Variants in PRKN observed in about 807,000 individuals in gnomAD.
The protein encoded by PRKN is parkin RBR E3 ubiquitin protein ligase.
A neutral mutation model predicts 59.5 loss-of-function variants in PRKN; 56 were observed. The observed-to-expected ratio is 0.94, with a 90% CI of 0.76 to 1.18. The LOEUF (loss-of-function observed/expected upper bound fraction) is 1.18. PRKN is among the 50% of genes most tolerant of loss of function. The pLI is 0.00. For synonymous variants in PRKN, 250 were observed against 222.1 expected (o/e 1.13, Z -1.12); for missense variants, 657 against 596.4 (o/e 1.10, Z -1.06).
chr6:161,659,885 C>T (rs1460724746), intron 7 of PRKN, among the ~76,000 whole-genome samples: 5 of 152,124 alleles, frequency 3.3e-5, no homozygotes, highest in East Asian at 1.9e-4. Context: ...GATACTGAGT[C>T]TGGACAGAGA....
chr6:162,235,245 G>T (rs1237828901), intron 3 of PRKN, among the ~76,000 whole-genome samples: 1 of 152,116 alleles, frequency 6.6e-6, no homozygotes, highest in Non-Finnish European at 1.5e-5. Context: ...GGGAATCTGA[G>T]TGTGTTTCCA....
At chr6:162,397,039 C>T (rs1451499226) in intron 2 of PRKN, among the ~76,000 whole-genome samples, 1 of 152,020 alleles carries the variant, frequency 6.6e-6, no homozygotes, top group African/African-American at 2.4e-5. Context: ...CCGAGGACAG[C>T]GCAATAAGGG....
At chr6:162,370,928 C>T (rs375210769) in intron 2 of PRKN, among the ~76,000 whole-genome samples, 5 of 152,244 alleles carry the variant, frequency 3.3e-5, no homozygotes, top group Admixed American at 2.0e-4. Context: ...GAGCATGGAA[C>T]GCAGCTACTC....
rs866047086 is a variant in PRKN at position 161,588,828 on chromosome 6, A to G, written c.872-19412T>C. On this transcript the variant is annotated intron_variant, in intron 7 of 11. Coordinates refer to ENST00000366898, the MANE Select transcript of PRKN (RefSeq NM_004562.3). This position sits in a 1 kb window ranked among gnomAD's most constrained non-coding sequence, Gnocchi z 5.0. Reference sequence around the variant, plus strand: ...GCACAAGCCTAGGACTGCCAGATTTAGCAAATAAAAATACAGGACACCCAG... The same window carrying G: ...GCACAAGCCTAGGACTGCCAGATTTGGCAAATAAAAATACAGGACACCCAG... 6.6e-6 allele frequency among the ~76,000 whole-genome samples: 1 copy of G among 152,234 alleles called. No individual in the cohort carries two copies.
chr6:161,849,737 C>T (rs536883128), intron 6 of PRKN, among the ~76,000 whole-genome samples: 2 of 152,310 alleles, frequency 1.3e-5, no homozygotes, highest in African/African-American at 4.8e-5. Flanking sequence ...TTTGGGTTCA[C>T]ATTTAGTCTT....
chr6:162,647,616 T>C (rs73597961), intron 1 of PRKN, among the ~76,000 whole-genome samples: 3,070 of 152,222 alleles, frequency 0.02, 107 homozygotes, highest in African/African-American at 0.069. Flanking sequence ...CTCATACTTA[T>C]ATGTCAAACA....
At chr6:161,882,686 A>G (rs1794982103) in intron 6 of PRKN, among the ~76,000 whole-genome samples, 1 of 152,184 alleles carries the variant, frequency 6.6e-6, no homozygotes, top group Non-Finnish European at 1.5e-5. Context: ...TGATGTGAAG[A>G]TGGATGAAGA....
chr6:161,982,238 C>T (rs1781287471), intron 5 of PRKN, among the ~76,000 whole-genome samples: 1 of 125,814 alleles, frequency 7.9e-6, no homozygotes, highest in Non-Finnish European at 1.7e-5. Context: ...TTGCCCACTG[C>T]TCAAGGAAAT....
intron 6 of PRKN, among the ~76,000 whole-genome samples, chr6:161,897,966 C>CAAAAAAAAAAAAAAAAAAAAAAAAAAAAA (rs55714271): frequency 7.8e-5 from 3 of 38,284 alleles, no homozygotes; most frequent in Non-Finnish European, 4.6e-5. Flanking sequence ...GACTCCGTCT[C>CAAAAAAAAAAAAAAAAAAAAAAAAAAAAA]AAAAAAAAAA....
At chr6:162,144,717 C>T (rs1009088714) in intron 4 of PRKN, among the ~76,000 whole-genome samples, 1 of 152,154 alleles carries the variant, frequency 6.6e-6, no homozygotes, top group Non-Finnish European at 1.5e-5. Flanking sequence ...CTGAGAATTG[C>T]ACCAATTTTT....
At chr6:161,975,742 G>A (rs1224389077) in intron 5 of PRKN, among the ~76,000 whole-genome samples, 1 of 152,172 alleles carries the variant, frequency 6.6e-6, no homozygotes, top group Non-Finnish European at 1.5e-5. Flanking sequence ...CTACCGCTCA[G>A]GGGCCCACAC....
At chr6:162,361,263 G>C (rs557286221) in intron 2 of PRKN, among the ~76,000 whole-genome samples, 1 of 152,138 alleles carries the variant, frequency 6.6e-6, no homozygotes, top group Non-Finnish European at 1.5e-5. Flanking sequence ...GGACCAAAGT[G>C]TGTTTCTCAA....
chr6:162,135,801 C>T (rs1034201310), intron 4 of PRKN, among the ~76,000 whole-genome samples: 34 of 152,102 alleles, frequency 2.2e-4, no homozygotes, highest in African/African-American at 8.0e-4. Flanking sequence ...TCTGACATTA[C>T]TGATCATTTC....
rs146397449 is a variant in PRKN, at chr6:161,816,658, T to C, written c.735-30750A>G. 7.9e-3 allele frequency among the ~76,000 whole-genome samples: 1,204 copies of C among 151,634 alleles called. 17 individuals are homozygous for C. Among genetic ancestry groups the C allele is most frequent in the African/African-American group, 0.028 (1,159 of 41,308 alleles). ...GAAGAATGTGTTCACACCCCAGGAG[T>C]TGGAGGTTGCAGTGAGCCGAGATCA... On this transcript the variant is annotated intron_variant, in intron 6 of 11. Coordinates refer to ENST00000366898, the MANE Select transcript of PRKN (RefSeq NM_004562.3).
chr6:162,441,983 G>T (rs1790076360), intron 2 of PRKN, among the ~76,000 whole-genome samples: 1 of 149,750 alleles, frequency 6.7e-6, no homozygotes, highest in Admixed American at 6.7e-5. Flanking sequence ...CAGATACAGT[G>T]AAAATCTTTT....
At chr6:161,464,567 C>A (rs531043325) in intron 9 of PRKN, among the ~76,000 whole-genome samples, 1 of 152,180 alleles carries the variant, frequency 6.6e-6, no homozygotes, top group Non-Finnish European at 1.5e-5. Flanking sequence ...GGTTTTCTCA[C>A]GCCCATCTGC....
chr6:162,494,173 G>A (rs1792948552), intron 1 of PRKN, among the ~76,000 whole-genome samples: 1 of 152,154 alleles, frequency 6.6e-6, no homozygotes, highest in Non-Finnish European at 1.5e-5. Context: ...TTCTTAGGTG[G>A]GATCTGGAAG....
intron 9 of PRKN, among the ~76,000 whole-genome samples, chr6:161,481,383 T>C: frequency 6.6e-6 from 1 of 152,066 alleles, no homozygotes; most frequent in East Asian, 1.9e-4. Context: ...GGCAGGCGGA[T>C]GATGAGGTCA....
chr6:162,045,173 G>A (rs538863413), intron 5 of PRKN, among the ~76,000 whole-genome samples: 13 of 152,180 alleles, frequency 8.5e-5, no homozygotes, highest in Non-Finnish European at 1.3e-4. Context: ...CCTACATCCT[G>A]AAAGTCAGTC....
Sources: allele counts gnomAD v4.1 joint callset (sites outside exome capture counted in the v4.1 genomes callset), GRCh38; gene constraint gnomAD v4.1.1; non-coding constraint Gnocchi (gnomAD v3.1); transcripts MANE v1.5; gene names NCBI Gene and HGNC (gene_info 2026-07-23, HGNC 2026-07-21).